The following ADAT1 variants were observed in gnomAD, a reference collection of about 807,000 sequenced individuals.
ADAT1 encodes the protein adenosine deaminase tRNA specific 1.
ADAT1 carries 58 observed loss-of-function variants against 58.6 expected under a neutral mutation model. That is an observed-to-expected ratio of 0.99 (90% CI 0.80 to 1.23). ADAT1 has a LOEUF of 1.23. Ranked by LOEUF, ADAT1 falls within the 50% of genes most tolerant of loss-of-function variation. The pLI is 0.00. For synonymous variants in ADAT1, 254 were observed against 220.8 expected, an observed-to-expected ratio of 1.15 and a Z score of -1.33; for missense variants, 741 against 608.6, an observed-to-expected ratio of 1.22 and a Z score of -2.29.
chr16:75,620,414 C>T, intron 2 of ADAT1, 80 bp from the exon 3 acceptor site: 1 of 1,507,644 alleles, frequency 6.6e-7, no homozygotes, highest in Admixed American at 1.7e-5. Flanking sequence ...CCTGCACACT[C>T]CTCTAGGGGA....
intron 8 of ADAT1, among the ~76,000 whole-genome samples, chr16:75,607,091 G>A (rs546878091): frequency 7.2e-5 from 11 of 152,066 alleles, no homozygotes; most frequent in East Asian, 1.9e-4. Flanking sequence ...TTAGCTGGGC[G>A]TGGTGGCGGG....
rs1266957733 is a variant in ADAT1, at chr16:75,617,224, GCTATC to G, written c.337_341del (p.Asp113HisfsTer14). The G allele has an allele frequency of 6.2e-7, 1 of 1,614,052 alleles. No individual in the cohort carries two copies. The highest frequency in any genetic ancestry group is 8.5e-7 in the Non-Finnish European group (1 of 1,179,906). On this transcript the variant is annotated frameshift_variant, in exon 5 of 10. Transcript: ENST00000564657. LOFTEE classifies it high-confidence loss of function. ...CTTTTTGAGTTCCTGGGACAAAGAT[GCTATC>G]CTCTTTCAGGGTGGCTGCCAACTGG...
chr16:75,621,294 T>C (rs1171117492), intron 1 of ADAT1, among the ~76,000 whole-genome samples: 1 of 151,848 alleles, frequency 6.6e-6, no homozygotes, highest in African/African-American at 2.4e-5. Context: ...CAGCAGAGTG[T>C]TTCTCTACCG....
At chr16:75,608,507 T>G in intron 7 of ADAT1, 184 bp from the exon 8 acceptor site, 1 of 589,392 alleles carries the variant, frequency 1.7e-6, no homozygotes, top group South Asian at 2.2e-5. Context: ...CATAATTCAT[T>G]ATTATTATGA....
chr16:75,609,183 C>A (rs145168099), intron 6 of ADAT1, among the ~76,000 whole-genome samples, 195 bp from the exon 7 acceptor site: 62 of 152,302 alleles, frequency 4.1e-4, no homozygotes, highest in Middle Eastern at 3.4e-3. Flanking sequence ...CTCCCTCAAT[C>A]TGCAGGGATA....
chr16:75,605,770 T>C (rs369196190), intron 8 of ADAT1, among the ~76,000 whole-genome samples: 12 of 151,524 alleles, frequency 7.9e-5, no homozygotes, highest in Non-Finnish European at 1.2e-4. Context: ...ATCCCGTCTC[T>C]ACTAAAAATA....
At chr16:75,619,686 A>G (rs1341647810) in intron 3 of ADAT1, 1 of 450,036 alleles carries the variant, frequency 2.2e-6, no homozygotes. Flanking sequence ...CAATGTGGGC[A>G]GATCACCTGA....
chr16:75,609,076 C>A, intron 6 of ADAT1, 88 bp from the exon 7 acceptor site: 1 of 1,470,214 alleles, frequency 6.8e-7, no homozygotes, highest in Non-Finnish European at 9.3e-7. Flanking sequence ...CACCCCTGAG[C>A]CTTAGCAGGT....
At chr16:75,617,350 A>G in intron 4 of ADAT1, 78 bp from the exon 5 acceptor site, 1 of 1,511,054 alleles carries the variant, frequency 6.6e-7, no homozygotes, top group South Asian at 1.2e-5. Context: ...GGTGATTACT[A>G]AGACAGCTTA....
rs187437557 is a variant in ADAT1, at chr16:75,603,433, C to T, written c.1290-262G>A. 2.4e-3 allele frequency among the ~76,000 whole-genome samples: 361 copies of T among 152,290 alleles called. 1 individual carries two copies. Among genetic ancestry groups the T allele is most frequent in the African/African-American group, 7.7e-3 (322 of 41,560 alleles). On this transcript the variant is annotated intron_variant, in intron 8 of 9. Coordinates refer to ENST00000564657, the MANE Select transcript of ADAT1 (RefSeq NM_001324445.2). ...AAACGGGTACCCTGAGGTGCAATTACGAAATTTTGCCCCAGGATATCTGTA... is the reference window on the plus strand; with the variant it reads ...AAACGGGTACCCTGAGGTGCAATTATGAAATTTTGCCCCAGGATATCTGTA...
At chr16:75,600,728 C>A (rs2081206119) in intron 9 of ADAT1, among the ~76,000 whole-genome samples, 1 of 148,834 alleles carries the variant, frequency 6.7e-6, no homozygotes, top group African/African-American at 2.4e-5. Flanking sequence ...TGTCAATGAA[C>A]CTTCTTCAAC....
At chr16:75,608,170 G>T in intron 8 of ADAT1, 54 bp downstream of exon 8, 1 of 1,447,360 alleles carries the variant, frequency 6.9e-7, no homozygotes, top group Non-Finnish European at 9.7e-7. Context: ...GAATTAGATA[G>T]TGGTAGAGTG....
At chr16:75,616,015 T>C (rs1461745754) in intron 5 of ADAT1, among the ~76,000 whole-genome samples, 1 of 151,986 alleles carries the variant, frequency 6.6e-6, no homozygotes, top group Non-Finnish European at 1.5e-5. Context: ...TTTTTTTTTT[T>C]TTCCCTTCTT....
At chr16:75,612,949 A>C (rs2081593713) in intron 5 of ADAT1, 88 bp from the exon 6 acceptor site, 1 of 1,490,910 alleles carries the variant, frequency 6.7e-7, no homozygotes, top group East Asian at 2.3e-5. Context: ...ATTCATCAGA[A>C]ATGCAAACTC....
rs1009259507 is a variant in ADAT1, at chr16:75,620,391, C to T, written c.170-57G>A. On this transcript the variant is annotated intron_variant, in intron 2 of 9. Coordinates refer to ENST00000564657, the MANE Select transcript of ADAT1 (RefSeq NM_001324445.2). ...GAGAAACGGAATGTTCCCCGGTGTT[C>T]AGGTGTGATCAGCCTGCACACTCCT... The T allele has an allele frequency of 2.4e-5, 38 of 1,577,978 alleles. 1 individual carries two copies. The highest frequency in any genetic ancestry group is 3.2e-5 in the Non-Finnish European group (37 of 1,147,668).
At chr16:75,616,001 TCTC>T (rs747687317) in intron 5 of ADAT1, among the ~76,000 whole-genome samples, 71 of 149,086 alleles carry the variant, frequency 4.8e-4, no homozygotes, top group Non-Finnish European at 8.8e-4. Flanking sequence ...CTTTCTTCTC[TCTC>T]TTTTTTTTTT....
In ADAT1 at chr16:75,620,962, C is replaced by T; in HGVS notation, c.-21-142G>A. The T allele has an allele frequency of 5.0e-6, 3 of 596,896 alleles. No homozygotes were observed. The East Asian group carries it at 9.2e-5, about 18-fold the overall frequency. The allele number at this position is 596,896 out of a possible 1,614,324, so 37.0% of individuals were successfully genotyped here. A position where few individuals can be genotyped will look rare whatever the true frequency, so the allele number is the denominator to read the frequency against. On this transcript the variant is annotated intron_variant, in intron 1 of 9. Coordinates refer to ENST00000564657, the MANE Select transcript of ADAT1 (RefSeq NM_001324445.2). ...CTGGAACTCTATGGATCATTTTCTT[C>T]TACTATCTCCCTGCCCCCTTTTCAT...
intron 8 of ADAT1, among the ~76,000 whole-genome samples, chr16:75,606,771 T>C (rs1246511198): frequency 6.6e-6 from 1 of 152,250 alleles, no homozygotes; most frequent in Non-Finnish European, 1.5e-5. Flanking sequence ...AAATGTATAT[T>C]GTTGTTTTAA....
Position 75,608,872 on chromosome 16 carries a change from C to T in ADAT1, c.1160G>A (p.Ser387Asn). 6.2e-7 allele frequency: 1 copy of T among 1,614,088 alleles called. No individual in the cohort carries two copies. The highest frequency in any genetic ancestry group is 8.5e-7 in the Non-Finnish European group (1 of 1,179,992). ...RSAVQAKRAD[S>N]PGRLVPCGAA... ...CCCACAAGGAACAAGTCGACCTGGG[C>T]TATCAGCCCTTTTTGCCTGCACCGC... The change falls in exon 7 of 10, where the codon AGC (serine) becomes AAC (asparagine). Residue 387 changes from serine to asparagine, a missense_variant. By Grantham distance (46) the Ser-to-Asn change is conservative. Coordinates refer to ENST00000564657, the MANE Select transcript of ADAT1 (RefSeq NM_001324445.2).
Sources: gnomAD v4.1 joint callset for allele counts (sites outside exome capture counted in the v4.1 genomes callset) on GRCh38, gnomAD v4.1.1 for gene constraint, MANE v1.5 for transcripts, NCBI Gene and HGNC (gene_info 2026-07-23, HGNC 2026-07-21) for gene names.